Variants in ACSL6 observed in about 807,000 individuals in gnomAD.
ACSL6 encodes acyl-CoA synthetase long chain family member 6, also known as long-chain-fatty-acid--CoA ligase 6.
Under a neutral mutation model 98.2 loss-of-function variants are expected in ACSL6, and 47 were observed. The observed-to-expected ratio is 0.48, with a 90% CI of 0.38 to 0.61. The LOEUF (loss-of-function observed/expected upper bound fraction) is 0.61, where lower values mean the gene tolerates loss of function less well. ACSL6 is among the 20% of genes least tolerant of loss of function. ACSL6 has a pLI of 0.00. For missense variants in ACSL6, 761 were observed against 913.4 expected, an observed-to-expected ratio of 0.83 and a Z score of 2.15; for synonymous variants, 362 against 336.9, an observed-to-expected ratio of 1.07 and a Z score of -0.82.
At chr5:131,987,082 G>C (rs569946970) in intron 7 of ACSL6, among the ~76,000 whole-genome samples, 1 of 152,292 alleles carries the variant, frequency 6.6e-6, no homozygotes, top group East Asian at 1.9e-4. Context: ...AGCAGCCACT[G>C]AGATGGTCAT....
At position 131,990,833 on chromosome 5, in the gene ACSL6, C is replaced by T. The variant is rs767887501; in HGVS notation, c.385+20G>A. ...CCTGCCACACAGCCCCTCCACACCC[C>T]CCCCCACAACCCTTCTCACCTGAGA... On this transcript the variant is annotated intron_variant, in intron 3 of 20. Transcript: ENST00000651883. The T allele has an allele frequency of 6.2e-6, 10 of 1,610,624 alleles. No individual in the cohort carries two copies. Among genetic ancestry groups the T allele is most frequent in the Non-Finnish European group, 8.5e-6 (10 of 1,177,246 alleles).
At chr5:131,975,255 A>C (rs985035580) in intron 10 of ACSL6, 13 of 1,264,610 alleles carry the variant, frequency 1.0e-5, no homozygotes, top group Non-Finnish European at 4.0e-6. Flanking sequence ...GGTTATCTGC[A>C]GAAGCAAAGA....
Position 131,953,648 on chromosome 5 carries a change from G to C in ACSL6, c.*586C>G, listed in dbSNP as rs1011635528. On this transcript the variant is annotated 3_prime_UTR_variant, in exon 21 of 21. Transcript: ENST00000651883. ...GAATTTCTGAATTTTCATTTTTCAT[G>C]AATGAAAGTAAAAATCAGAGAGAAA... The C allele has an allele frequency of 1.6e-5, 3 of 188,608 alleles. No individual in the cohort carries two copies. Among genetic ancestry groups the C allele is most frequent in the Non-Finnish European group, 3.4e-5 (3 of 89,368 alleles). The allele number at this position is 188,608 out of a possible 1,614,324, so 11.7% of individuals were successfully genotyped here.
intron 10 of ACSL6, chr5:131,975,569 C>T (rs2149728434): frequency 1.0e-6 from 1 of 983,950 alleles, no homozygotes; most frequent in Non-Finnish European, 1.2e-6. Context: ...CAAGGCCAAA[C>T]CCCAAACACT....
At position 131,987,961 on chromosome 5, in the gene ACSL6, G is replaced by A. The variant is rs916359998; in HGVS notation, c.831+87C>T. ...CTGCGGGCCCAAAACAGCCACCCCA[G>A]GGCATGAGAGGGACAGATAACCAGA... On this transcript the variant is annotated intron_variant, in intron 7 of 20. Coordinates refer to ENST00000651883, the MANE Select transcript of ACSL6 (RefSeq NM_001009185.3). 6 of 1,543,452 alleles carry A rather than the reference G, an allele frequency of 3.9e-6. No homozygotes were observed. The African/African-American group carries it at 6.8e-5, about 18-fold the overall frequency.
In ACSL6 at chr5:131,971,235, T is replaced by C. The variant is rs546421474; in HGVS notation, c.1434+315A>G. ...CAGGCTGAAGAAGGTAGAGATGCAG[T>C]ACAGGTATGGTACAGATTCTACCGC... On this transcript the variant is annotated intron_variant, in intron 14 of 20. Transcript: ENST00000651883. Among the ~76,000 whole-genome samples the C allele has an allele frequency of 1.2e-4, 18 of 152,316 alleles. No individual in the cohort carries two copies. The East Asian group carries it at 3.5e-3, about 29-fold the overall frequency.
At chr5:132,004,254 G>A (rs2126956491) in intron 1 of ACSL6, among the ~76,000 whole-genome samples, 1 of 149,746 alleles carries the variant, frequency 6.7e-6, no homozygotes, top group South Asian at 2.1e-4. Flanking sequence ...TCAGCAGCCA[G>A]AACACTGCTT....
rs1468252299 is a variant in ACSL6, at chr5:132,010,043, T to G, written c.49+1462A>C. ...GTGGCTGTTACGACCACCATCACCA[T>G]TATTTTAATTATCCTTGCCCTTTAC... On this transcript the variant is annotated intron_variant, in intron 1 of 20. Transcript: ENST00000651883. 4.6e-5 allele frequency among the ~76,000 whole-genome samples: 7 copies of G among 152,152 alleles called. No homozygotes were observed. In the East Asian group the frequency reaches 1.4e-3, roughly 29 times the overall value.
intron 1 of ACSL6, among the ~76,000 whole-genome samples, chr5:131,995,652 C>G (rs138171999): frequency 7.6e-4 from 116 of 152,296 alleles, no homozygotes; most frequent in South Asian, 6.0e-3. Flanking sequence ...CTGCTGAAAT[C>G]CCAATAAATG....
intron 10 of ACSL6, 89 bp downstream of exon 10, chr5:131,976,559 A>T: frequency 2.5e-6 from 3 of 1,213,722 alleles, no homozygotes; most frequent in Non-Finnish European, 3.5e-6. Flanking sequence ...AAAAAAAAAG[A>T]AAAAGAAAAC....
Position 131,994,041 on chromosome 5 carries a change from T to C in ACSL6, c.260A>G (p.Glu87Gly), listed in dbSNP as rs1432572064. 1 of 1,613,652 alleles carries C rather than the reference T, an allele frequency of 6.2e-7. No homozygotes were observed. Among genetic ancestry groups the C allele is most frequent in the Non-Finnish European group, 8.5e-7 (1 of 1,180,028 alleles). Residue 87 changes from glutamate (E) to glycine (G), a missense_variant, in exon 2 of 21, where the codon GAA (glutamate) becomes GGA (glycine). Physicochemically the swap from Glu to Gly is moderately conservative, Grantham distance 98. Coordinates refer to ENST00000651883, the MANE Select transcript of ACSL6 (RefSeq NM_001009185.3). ...TCCTATCCTGCTCACCTCTACTTCT[T>C]CTGACTGCATCAGGAGGTTGCATGG... ...QPPCNLLMQS[E>G]EVEDSGGARR...
intron 20 of ACSL6, among the ~76,000 whole-genome samples, chr5:131,955,051 G>A (rs1752327733): frequency 6.6e-6 from 1 of 152,130 alleles, no homozygotes; most frequent in Non-Finnish European, 1.5e-5. Flanking sequence ...GATACTGAAG[G>A]TTTTTAGTTA....
chr5:132,008,665 T>C (rs247004), intron 1 of ACSL6, among the ~76,000 whole-genome samples: 120,632 of 152,210 alleles, frequency 0.79, 48,253 homozygotes, highest in Non-Finnish European at 0.84. Context: ...GCACAAGACC[T>C]TGAAGACTCA....
chr5:131,954,062 CT>C lies in ACSL6; in HGVS notation c.*171del. ...ATTTTTATAATAAAAATAAAATATA[CT>C]CATTGATGATAGAGAAAATATTGTT... is the stretch of plus-strand genomic sequence containing the variant. On this transcript the variant is annotated 3_prime_UTR_variant, in exon 21 of 21. Coordinates refer to ENST00000651883, the MANE Select transcript of ACSL6 (RefSeq NM_001009185.3). The C allele has an allele frequency of 2.1e-6, 1 of 476,318 alleles. No individual in the cohort carries two copies. 29.5% of individuals were successfully genotyped at this position (476,318 alleles called of 1,614,324 possible). A position where few individuals can be genotyped will look rare whatever the true frequency, so the allele number is the denominator to read the frequency against.
chr5:131,964,973 C>T lies in ACSL6; in HGVS notation c.1713+1443G>A, dbSNP rs562197974. Among the ~76,000 whole-genome samples, 8 of 152,316 alleles carry T rather than the reference C, an allele frequency of 5.3e-5. No individual in the cohort carries two copies. The East Asian group carries it at 1.5e-3, about 29-fold the overall frequency. On this transcript the variant is annotated intron_variant, in intron 17 of 20. Transcript: ENST00000651883. ...GTGTGCCCCCAGTGTGCCCCCAGCTCATGCCCATCACATTGGGTTGGGAAC... is the reference window on the plus strand; with the variant it reads ...GTGTGCCCCCAGTGTGCCCCCAGCTTATGCCCATCACATTGGGTTGGGAAC...
rs1391381983 is a variant in ACSL6, at chr5:131,950,855, A to AT, written c.*3378dup. The AT allele has an allele frequency of 5.3e-6, 1 of 188,554 alleles. No homozygotes were observed. The highest frequency in any genetic ancestry group is 2.3e-5 in the African/African-American group (1 of 42,876). The allele number at this position is 188,554 out of a possible 1,614,324, so 11.7% of individuals were successfully genotyped here. On this transcript the variant is annotated 3_prime_UTR_variant, in exon 21 of 21. Transcript: ENST00000651883. Reference sequence around the variant, plus strand: ...GGAAAAAATTCCAATGGAAAGTTCTATTTTTTCTCATACTTGTAGTTTTAA... The same window carrying AT: ...GGAAAAAATTCCAATGGAAAGTTCTATTTTTTTCTCATACTTGTAGTTTTAA...
chr5:131,973,331 T>A lies in ACSL6; in HGVS notation c.1138A>T (p.Met380Leu). The change falls in exon 12 of 21, where the codon ATG becomes TTG. Residue 380 changes from methionine (M) to leucine (L), a missense_variant. By Grantham distance (15) the Met-to-Leu change is conservative. Transcript: ENST00000651883. Reference sequence around the variant, plus strand: ...AAGATGGTGGGGCATAGAGCCTTCATGTCATCTGAGAGAAGGCGGATATCT... The same window carrying A: ...AAGATGGTGGGGCATAGAGCCTTCAAGTCATCTGAGAGAAGGCGGATATCT... ...QGDIRLLSDD[M>L]KALCPTIFPV... The A allele has an allele frequency of 6.2e-7, 1 of 1,614,160 alleles. No individual in the cohort carries two copies. Among genetic ancestry groups the A allele is most frequent in the South Asian group, 1.1e-5 (1 of 91,084 alleles).
At position 131,960,519 on chromosome 5, in the gene ACSL6, C is replaced by T; in HGVS notation, c.1959+1G>A. ...TCAGGAGACAGCCCCAAGATACCAACCTTATTTGTGCAGAGATCTGCATAT... is the reference window on the plus strand; with the variant it reads ...TCAGGAGACAGCCCCAAGATACCAATCTTATTTGTGCAGAGATCTGCATAT... On this transcript the variant is annotated splice_donor_variant, in intron 19 of 20. Coordinates refer to ENST00000651883, the MANE Select transcript of ACSL6 (RefSeq NM_001009185.3). LOFTEE classifies it high-confidence loss of function. 6.2e-7 allele frequency: 1 copy of T among 1,611,990 alleles called. No individual in the cohort carries two copies. Among genetic ancestry groups the T allele is most frequent in the Non-Finnish European group, 8.5e-7 (1 of 1,179,308 alleles).
chr5:131,990,176 T>C lies in ACSL6; in HGVS notation c.386-12A>G. 6.2e-7 allele frequency: 1 copy of C among 1,613,812 alleles called. No homozygotes were observed. The highest frequency in any genetic ancestry group is 8.5e-7 in the Non-Finnish European group (1 of 1,179,870). ...ACAGGGCCCATTCCCTGTAGAGAGA[T>C]AAGAAAGCCTTGTGTCAGAGAGGGG... On this transcript the variant is annotated splice_polypyrimidine_tract_variant and intron_variant, in intron 3 of 20. Coordinates refer to ENST00000651883, the MANE Select transcript of ACSL6 (RefSeq NM_001009185.3).
Sources: allele counts gnomAD v4.1 joint callset (sites outside exome capture counted in the v4.1 genomes callset), GRCh38; gene constraint gnomAD v4.1.1; transcripts MANE v1.5; gene names NCBI Gene and HGNC (gene_info 2026-07-23, HGNC 2026-07-21).